The following DSE variants were observed in gnomAD, a reference collection of about 807,000 sequenced individuals.
The protein encoded by DSE is dermatan-sulfate epimerase.
In DSE, 36 loss-of-function variants were observed where a neutral mutation model predicts 84.4. That is an observed-to-expected ratio of 0.43 (90% CI 0.33 to 0.56). DSE has a LOEUF of 0.56. Ranked by LOEUF, DSE falls within the 20% of genes least tolerant of loss-of-function variation. The pLI, the probability that DSE is intolerant of heterozygous loss-of-function variation, is 0.06. For missense variants in DSE, 862 were observed against 1,169.6 expected (o/e 0.74, Z 3.84); for synonymous variants, 410 against 430.1 (o/e 0.95, Z 0.58).
chr6:116,314,379 C>T (rs1271905987), intron 2 of DSE, among the ~76,000 whole-genome samples: 1 of 152,144 alleles, frequency 6.6e-6, no homozygotes, highest in Non-Finnish European at 1.5e-5. Flanking sequence ...AGGTTAGTCA[C>T]ATCATATGGG....
intron 1 of DSE, among the ~76,000 whole-genome samples, chr6:116,383,724 C>A (rs1780397012): frequency 6.6e-6 from 1 of 152,112 alleles, no homozygotes; most frequent in Non-Finnish European, 1.5e-5. Flanking sequence ...ATATTTCTAT[C>A]CCCAATTTAC....
At chr6:116,336,001 A>C (rs1053719539) in intron 2 of DSE, among the ~76,000 whole-genome samples, 4 of 152,198 alleles carry the variant, frequency 2.6e-5, no homozygotes, top group Admixed American at 6.5e-5. Flanking sequence ...GCTGGTCCAA[A>C]ACAATGGATT....
chr6:116,363,540 T>G (rs1254230044), intron 2 of DSE, among the ~76,000 whole-genome samples: 1 of 152,012 alleles, frequency 6.6e-6, no homozygotes, highest in Non-Finnish European at 1.5e-5. Flanking sequence ...AGATGGAAAT[T>G]TATTAGAACT....
At chr6:116,288,410 T>A (rs1417063702) in intron 2 of DSE, 2 of 152,114 alleles carry the variant, frequency 1.3e-5, no homozygotes, top group South Asian at 4.1e-4. Context: ...CAGCTAACTA[T>A]ATAGAATTTC....
chr6:116,357,660 T>C (rs556686598), intron 2 of DSE, among the ~76,000 whole-genome samples: 1 of 152,312 alleles, frequency 6.6e-6, no homozygotes, highest in East Asian at 1.9e-4. Flanking sequence ...ACTTTAATAG[T>C]GTTATTGGTA....
rs1276848092 is a variant in DSE, at chr6:116,279,669, C to T, written c.-54+20702C>T. 4 of 1,607,984 alleles carry T rather than the reference C, an allele frequency of 2.5e-6. 1 individual carries two copies. In the South Asian group the frequency reaches 4.4e-5, roughly 18 times the overall value. On this transcript the variant is annotated intron_variant, in intron 2 of 3. Coordinates refer to the DSE transcript ENST00000430252. The stretch of plus-strand genomic sequence containing the variant: ...GTGGAGGCGGGAGCGCGACGGTCTC[C>T]GAGCCTCCCTCACCCGGCTCCGCCA...
At chr6:116,288,219 T>C (rs371871764) in intron 2 of DSE, 6 of 152,208 alleles carry the variant, frequency 3.9e-5, no homozygotes, top group Admixed American at 3.9e-4. Flanking sequence ...AAAATGGAGA[T>C]TATAATACAT....
chr6:116,306,634 C>A (rs1369550322), intron 2 of DSE, among the ~76,000 whole-genome samples: 1 of 152,184 alleles, frequency 6.6e-6, no homozygotes, highest in Non-Finnish European at 1.5e-5. Context: ...TAATACCCTT[C>A]TCTACAGCAC....
At chr6:116,431,512 A>G (rs547591632) in intron 4 of DSE, among the ~76,000 whole-genome samples, 1 of 152,246 alleles carries the variant, frequency 6.6e-6, no homozygotes, top group African/African-American at 2.4e-5. Context: ...CATCATTGCA[A>G]GCAAAATATA....
At chr6:116,303,564 A>G (rs997276509) in intron 2 of DSE, among the ~76,000 whole-genome samples, 1 of 152,142 alleles carries the variant, frequency 6.6e-6, no homozygotes, top group African/African-American at 2.4e-5. Flanking sequence ...GACCAACTGG[A>G]TGGCTGAATG....
chr6:116,401,404 T>C (rs1781584178), intron 2 of DSE: 1 of 152,276 alleles, frequency 6.6e-6, no homozygotes, highest in Admixed American at 6.5e-5. Flanking sequence ...TCTAGGCCAT[T>C]ATCTAGTAAA....
At chr6:116,297,678 A>C (rs1157939176) in intron 2 of DSE, among the ~76,000 whole-genome samples, 1 of 152,156 alleles carries the variant, frequency 6.6e-6, no homozygotes, top group East Asian at 1.9e-4. Flanking sequence ...CTGCTTATGA[A>C]TCTTCTTAGG....
chr6:116,278,153 C>T (rs1773255503), intron 2 of DSE: 2 of 311,512 alleles, frequency 6.4e-6, no homozygotes, highest in South Asian at 5.9e-5. Flanking sequence ...AACAGGCTCC[C>T]AAAGCTAGAA....
chr6:116,408,135 G>T (rs1782055471), intron 2 of DSE, among the ~76,000 whole-genome samples: 1 of 152,134 alleles, frequency 6.6e-6, no homozygotes, highest in Non-Finnish European at 1.5e-5. Context: ...TTAATTCATT[G>T]GTTTGCAGTC....
chr6:116,258,940 T>G (rs1265532601), exon 2 of DSE: 9 of 1,539,582 alleles, frequency 5.8e-6, no homozygotes, highest in Non-Finnish European at 8.1e-6. Flanking sequence ...GTGGAAGCAT[T>G]TGGCGGCATA....
At chr6:116,303,963 G>A (rs761664970) in intron 2 of DSE, among the ~76,000 whole-genome samples, 6 of 151,838 alleles carry the variant, frequency 4.0e-5, no homozygotes, top group African/African-American at 7.3e-5. Context: ...GTGAAACCCC[G>A]TCTGTACTAA....
chr6:116,328,846 T>C (rs1776781862), intron 2 of DSE, among the ~76,000 whole-genome samples: 1 of 152,106 alleles, frequency 6.6e-6, no homozygotes, highest in Admixed American at 6.5e-5. Flanking sequence ...TGGTATGGGA[T>C]ACCAAGGATG....
upstream of DSE, chr6:116,370,061 C>T (rs762434403): frequency 7.3e-6 from 6 of 817,808 alleles, no homozygotes; most frequent in Admixed American, 2.7e-5. Context: ...CTCCTTGGGG[C>T]CTGGTTGGAC....
At chr6:116,347,627 G>A (rs931509088) in intron 2 of DSE, among the ~76,000 whole-genome samples, 22 of 152,120 alleles carry the variant, frequency 1.4e-4, no homozygotes, top group African/African-American at 2.2e-4. Context: ...TCCTTACACC[G>A]CATACAAAAA....
Sources: gnomAD v4.1 joint callset for allele counts (sites outside exome capture counted in the v4.1 genomes callset) on GRCh38, gnomAD v4.1.1 for gene constraint, MANE v1.5 for transcripts, NCBI Gene and HGNC (gene_info 2026-07-23, HGNC 2026-07-21) for gene names.